Variants in SLC35B3 observed in about 807,000 individuals in gnomAD.
The protein encoded by SLC35B3 is adenosine 3'-phospho 5'-phosphosulfate transporter 2.
SLC35B3 carries 35 observed loss-of-function variants against 44.1 expected under a neutral mutation model. That is an observed-to-expected ratio of 0.79 (90% CI 0.61 to 1.05). The LOEUF (loss-of-function observed/expected upper bound fraction) is 1.05, where lower values mean the gene tolerates loss of function less well. Ranked by LOEUF, SLC35B3 falls within the 50% of genes least tolerant of loss-of-function variation. The pLI is 0.00. For missense variants in SLC35B3, 414 were observed against 476.4 expected (o/e 0.87, Z 1.22); for synonymous variants, 146 against 167.3 (o/e 0.87, Z 0.98).
chr6:8,434,477 T>A lies in SLC35B3; in HGVS notation c.-43-47A>T. The A allele has an allele frequency of 6.5e-7, 1 of 1,530,746 alleles. No homozygotes were observed. Among genetic ancestry groups the A allele is most frequent in the Non-Finnish European group, 9.0e-7 (1 of 1,111,144 alleles). 94.8% of individuals were successfully genotyped at this position (1,530,746 alleles called of 1,614,324 possible). ...CAGAAAAAACAAAGTTCCATCTCAT[T>A]TCTTTGTACACACATCATTACACAA... On this transcript the variant is annotated intron_variant, in intron 1 of 10. Coordinates refer to ENST00000644923, the MANE Select transcript of SLC35B3 (RefSeq NM_001370476.2). The surrounding 1 kb of genome is among the most constrained non-coding windows in gnomAD (Gnocchi z 6.3).
chr6:8,435,401 A>G lies in SLC35B3; in HGVS notation c.-102T>C, dbSNP rs1472812745. 7.8e-7 allele frequency: 1 copy of G among 1,288,138 alleles called. No homozygotes were observed. The highest frequency in any genetic ancestry group is 1.2e-5 in the South Asian group (1 of 80,968). 79.8% of individuals were successfully genotyped at this position (1,288,138 alleles called of 1,614,324 possible). On this transcript the variant is annotated 5_prime_UTR_variant, in exon 1 of 11. Transcript: ENST00000644923. This position sits in a 1 kb window ranked among gnomAD's most constrained non-coding sequence, Gnocchi z 5.5. ...GCAGCCTGCGTGGCGTCTGAGCTAGACGGAGCATCTCCCCCTCCCCTGGTC... is the reference window on the plus strand; with the variant it reads ...GCAGCCTGCGTGGCGTCTGAGCTAGGCGGAGCATCTCCCCCTCCCCTGGTC...
In SLC35B3 at chr6:8,419,754, G is replaced by A; in HGVS notation, c.683-77C>T. The A allele has an allele frequency of 1.3e-6, 1 of 787,408 alleles. No homozygotes were observed. Among genetic ancestry groups the A allele is most frequent in the Non-Finnish European group, 1.9e-6 (1 of 518,846 alleles). 48.8% of individuals were successfully genotyped at this position (787,408 alleles called of 1,614,324 possible). On this transcript the variant is annotated intron_variant, in intron 6 of 10. Coordinates refer to ENST00000644923, the MANE Select transcript of SLC35B3 (RefSeq NM_001370476.2). This position sits in a 1 kb window ranked among gnomAD's most constrained non-coding sequence, Gnocchi z 4.3. ...TATGAACTATAATCAAGCTTTATCAGAAATTTCATTGGTCTAAAAAACAAA... is the reference window on the plus strand; with the variant it reads ...TATGAACTATAATCAAGCTTTATCAAAAATTTCATTGGTCTAAAAAACAAA...
chr6:8,411,879 T>C lies in SLC35B3; in HGVS notation c.*1670A>G, dbSNP rs1041372584. Reference sequence around the variant, plus strand: ...GAAGAATAACAGTATTTTTAAAAAATACAATAGAAGCAATTCTAAAAATCA... The same window carrying C: ...GAAGAATAACAGTATTTTTAAAAAACACAATAGAAGCAATTCTAAAAATCA... On this transcript the variant is annotated 3_prime_UTR_variant, in exon 11 of 11. Transcript: ENST00000644923. Among the ~76,000 whole-genome samples, 2 of 152,134 alleles carry C rather than the reference T, an allele frequency of 1.3e-5. No homozygotes were observed. The highest frequency in any genetic ancestry group is 4.8e-5 in the African/African-American group (2 of 41,442).
chr6:8,414,931 G>C lies in SLC35B3; in HGVS notation c.1032C>G (p.Phe344Leu). 6.2e-7 allele frequency: 1 copy of C among 1,605,140 alleles called. No homozygotes were observed. The highest frequency in any genetic ancestry group is 8.5e-7 in the Non-Finnish European group (1 of 1,174,082). The change falls in exon 10 of 11, where the codon TTC becomes TTG. Residue 344 changes from phenylalanine to leucine, a missense_variant. Physicochemically the swap from Phe to Leu is conservative, Grantham distance 22 (BLOSUM62 0). Coordinates refer to ENST00000644923, the MANE Select transcript of SLC35B3 (RefSeq NM_001370476.2). The stretch of plus-strand genomic sequence containing the variant: ...ACTGAAACGTGAATGGTTTAGCAAA[G>C]AATATAAACGAAAGTACAATGGTCA...
chr6:8,422,461 T>C lies in SLC35B3; in HGVS notation c.574+9A>G, dbSNP rs147100909. 4.5e-3 allele frequency: 7,275 copies of C among 1,602,274 alleles called. 33 individuals carry two copies. Among genetic ancestry groups the C allele is most frequent in the Non-Finnish European group, 5.2e-3 (6,107 of 1,169,906 alleles). ...TTTTAAATAGTATAAAAACATATCA[T>C]TACTATACCTTGAATAAAAACTCCT... On this transcript the variant is annotated intron_variant, in intron 5 of 10. Coordinates refer to ENST00000644923, the MANE Select transcript of SLC35B3 (RefSeq NM_001370476.2).
chr6:8,416,582 T>C (rs1688591873), intron 9 of SLC35B3, among the ~76,000 whole-genome samples: 1 of 152,218 alleles, frequency 6.6e-6, no homozygotes, highest in African/African-American at 2.4e-5. Flanking sequence ...AAGGCAGTAC[T>C]TTCTTTGGAG....
At chr6:8,421,458 T>C (rs1340495846) in intron 5 of SLC35B3, among the ~76,000 whole-genome samples, 1 of 152,172 alleles carries the variant, frequency 6.6e-6, no homozygotes, top group Non-Finnish European at 1.5e-5. Flanking sequence ...CCTGAAATGA[T>C]ACGTGAAGTA....
chr6:8,429,764 G>GT lies in SLC35B3; in HGVS notation c.297+99dup. On this transcript the variant is annotated intron_variant, in intron 3 of 10. Transcript: ENST00000644923. The stretch of plus-strand genomic sequence containing the variant: ...AAAATTCAAATTTATGAATCAGCCA[G>GT]TATCCCCTAAGTGACTATCTTGGGC... 3 of 798,428 alleles carry GT rather than the reference G, an allele frequency of 3.8e-6. No individual in the cohort carries two copies. In the South Asian group the frequency reaches 6.1e-5, roughly 16 times the overall value. The allele number at this position is 798,428 out of a possible 1,614,324, so 49.5% of individuals were successfully genotyped here.
intron 10 of SLC35B3, 32 bp downstream of exon 9, chr6:8,414,876 T>C: frequency 7.5e-7 from 1 of 1,333,604 alleles, no homozygotes; most frequent in Non-Finnish European, 1.1e-6. Flanking sequence ...ATCTAAAAAC[T>C]GAGAAAAATT....
rs1762813790 is a variant in SLC35B3 at position 8,420,716 on chromosome 6, C to T, written c.682+5G>A. 1 of 1,603,930 alleles carries T rather than the reference C, an allele frequency of 6.2e-7. No homozygotes were observed. ...AAAAGCTAGGAATATAAATAAATTA[C>T]TTACCCGTCAGGTTGAAATTTGGTG... On this transcript the variant is annotated splice_donor_5th_base_variant and intron_variant, in intron 6 of 10. Transcript: ENST00000644923. The surrounding 1 kb of genome is among the most constrained non-coding windows in gnomAD (Gnocchi z 4.4).
rs1204922501 is a variant in SLC35B3, at chr6:8,432,943, A to C, written c.3+1442T>G. 1.3e-5 allele frequency among the ~76,000 whole-genome samples: 2 copies of C among 152,134 alleles called. No homozygotes were observed. Among genetic ancestry groups the C allele is most frequent in the Non-Finnish European group, 2.9e-5 (2 of 68,018 alleles). On this transcript the variant is annotated intron_variant, in intron 2 of 10. Transcript: ENST00000644923. The surrounding 1 kb of genome is among the most constrained non-coding windows in gnomAD (Gnocchi z 4.8). The stretch of plus-strand genomic sequence containing the variant: ...AGCTCTGCTGGCACTTCATATTTAA[A>C]ATGGCCAAAGCTGATTATTTTCCCC...
rs539492067 is a variant in SLC35B3 at position 8,414,618 on chromosome 6, C to T, written c.1055+290G>A. On this transcript the variant is annotated intron_variant, in intron 10 of 10. Transcript: ENST00000644923. ...ATTCACTCATAATGGAAACAGGTCA[C>T]ATTTGCACTGGACTCTGGTTAGGCA... 2.6e-5 allele frequency among the ~76,000 whole-genome samples: 4 copies of T among 152,222 alleles called. No homozygotes were observed. The South Asian group carries it at 8.3e-4, about 32-fold the overall frequency.
chr6:8,415,391 G>A (rs1762328624), intron 9 of SLC35B3, among the ~76,000 whole-genome samples: 1 of 152,128 alleles, frequency 6.6e-6, no homozygotes. Flanking sequence ...CTCTGGATAA[G>A]ACTATAAGTA....
rs1762065273 is a variant in SLC35B3, at chr6:8,411,469, A to G, written c.*2080T>C. ...GATAAGTCAAATTTATATTTTATCA[A>G]AGATTTGAGAAAGTTGACAAGTTTT... On this transcript the variant is annotated 3_prime_UTR_variant, in exon 11 of 11. Transcript: ENST00000644923. Among the ~76,000 whole-genome samples the G allele has an allele frequency of 6.6e-6, 1 of 152,260 alleles. No individual in the cohort carries two copies. Among genetic ancestry groups the G allele is most frequent in the Non-Finnish European group, 1.5e-5 (1 of 68,046 alleles).
At chr6:8,426,652 C>G (rs1763440612) in intron 4 of SLC35B3, among the ~76,000 whole-genome samples, 1 of 152,074 alleles carries the variant, frequency 6.6e-6, no homozygotes, top group South Asian at 2.1e-4. Context: ...TCTTCCCAGT[C>G]TCGGGTATGT....
chr6:8,423,652 G>A (rs1174605739), intron 4 of SLC35B3, among the ~76,000 whole-genome samples: 1 of 152,158 alleles, frequency 6.6e-6, no homozygotes, highest in African/African-American at 2.4e-5. Flanking sequence ...TTTAGAATTT[G>A]TGTTCACATT....
chr6:8,414,317 C>G (rs1022693074), intron 10 of SLC35B3, among the ~76,000 whole-genome samples: 10 of 152,072 alleles, frequency 6.6e-5, no homozygotes, highest in Non-Finnish European at 1.2e-4. Context: ...ACTTCACAAT[C>G]CTGACCAATA....
intron 3 of SLC35B3, among the ~76,000 whole-genome samples, chr6:8,429,301 A>C (rs1763735754): frequency 6.6e-6 from 1 of 152,168 alleles, no homozygotes; most frequent in Admixed American, 6.5e-5. Context: ...ATATAAGACA[A>C]ATTGTTGCAG....
intron 3 of SLC35B3, among the ~76,000 whole-genome samples, chr6:8,429,518 G>A (rs1581267074): frequency 6.6e-6 from 1 of 152,076 alleles, no homozygotes; most frequent in Non-Finnish European, 1.5e-5. Context: ...TGAGCTCCAA[G>A]AATCAAGTAA....
Sources: gnomAD v4.1 joint callset for allele counts (sites outside exome capture counted in the v4.1 genomes callset) on GRCh38, gnomAD v4.1.1 for gene constraint, Gnocchi (gnomAD v3.1) non-coding constraint, MANE v1.5 for transcripts, NCBI Gene and HGNC (gene_info 2026-07-23, HGNC 2026-07-21) for gene names.